The following DOCK4 variants were observed in gnomAD, a reference collection of about 807,000 sequenced individuals.
DOCK4 encodes dedicator of cytokinesis 4.
DOCK4 carries 97 observed loss-of-function variants against 268.1 expected under a neutral mutation model. The ratio of observed to expected loss-of-function variants is 0.36; its 90% CI spans 0.31 to 0.43. The LOEUF is 0.43. Among genes scored for constraint, DOCK4 ranks in the 20% least tolerant of loss-of-function variants. The pLI is 1.00. For missense variants in DOCK4, 2,145 were observed against 2,455.7 expected (o/e 0.87, Z 2.67); for synonymous variants, 954 against 887.2 (o/e 1.08, Z -1.34).
At chr7:112,060,970 C>A (rs1050757711) in intron 1 of DOCK4, among the ~76,000 whole-genome samples, 1 of 152,094 alleles carries the variant, frequency 6.6e-6, no homozygotes, top group Admixed American at 6.5e-5. Context: ...GTAAATTTTA[C>A]GTGTATTTTA....
chr7:111,779,979 T>G (rs1259524837), intron 35 of DOCK4, among the ~76,000 whole-genome samples: 1 of 152,158 alleles, frequency 6.6e-6, no homozygotes, highest in Non-Finnish European at 1.5e-5. Context: ...GAAGGGGAAA[T>G]CGGTGATGAG....
At chr7:111,758,178 C>G (rs1181202774) in intron 41 of DOCK4, among the ~76,000 whole-genome samples, 1 of 152,234 alleles carries the variant, frequency 6.6e-6, no homozygotes, top group African/African-American at 2.4e-5. Context: ...GTCTACCCAA[C>G]TGTTCTCTGT....
Position 111,746,377 on chromosome 7 carries a change from T to G in DOCK4, c.4634A>C (p.Asp1545Ala). 2 of 1,613,002 alleles carry G rather than the reference T, an allele frequency of 1.2e-6. No homozygotes were observed. The highest frequency in any genetic ancestry group is 1.7e-6 in the Non-Finnish European group (2 of 1,179,466). Residue 1545 changes from aspartate to alanine, a missense_variant, in exon 44 of 53, where the codon GAT (aspartate) becomes GCT (alanine). By Grantham distance (126) the Asp-to-Ala change is moderately radical. Coordinates refer to ENST00000428084, the MANE Select transcript of DOCK4 (RefSeq NM_001363540.2). ...VKEYILSHPE[D>A]GEKIARLREL... ...TCTTAATCGTGCAATTTTCTCCCCA[T>G]CTTCAGGGTGACTTAAGATATATTC...
intron 8 of DOCK4, among the ~76,000 whole-genome samples, chr7:111,956,144 T>C (rs77392200): frequency 3.9e-5 from 6 of 152,208 alleles, no homozygotes; most frequent in Admixed American, 1.3e-4. Context: ...CACTGTATCT[T>C]TGACATTTCG....
chr7:111,862,213 C>T (rs1046849718), intron 23 of DOCK4, among the ~76,000 whole-genome samples: 11 of 151,928 alleles, frequency 7.2e-5, no homozygotes, highest in East Asian at 2.0e-4. Flanking sequence ...GCAGGACAAT[C>T]GCTTGAACCT....
At chr7:112,121,125 C>T (rs28687319) in intron 1 of DOCK4, among the ~76,000 whole-genome samples, 1 of 152,134 alleles carries the variant, frequency 6.6e-6, no homozygotes, top group Admixed American at 6.5e-5. Flanking sequence ...TATGTTATAT[C>T]CTCATGATAA....
At chr7:112,102,951 A>G (rs561714114) in intron 1 of DOCK4, among the ~76,000 whole-genome samples, 20 of 152,362 alleles carry the variant, frequency 1.3e-4, no homozygotes, top group African/African-American at 4.1e-4. Context: ...TGTTTATACC[A>G]ATAAACTTTT....
chr7:112,184,745 C>T (rs1428884138), intron 1 of DOCK4, among the ~76,000 whole-genome samples: 2 of 151,858 alleles, frequency 1.3e-5, no homozygotes. Context: ...AGCCTTTCTG[C>T]TCTTTCATTT....
At chr7:111,862,949 A>G (rs1349865086) in intron 23 of DOCK4, 16 of 194,400 alleles carry the variant, frequency 8.2e-5, no homozygotes, top group Non-Finnish European at 2.1e-5. Flanking sequence ...GGAACTTACT[A>G]ACAGTTATTA....
At chr7:112,022,061 T>C (rs1296170051) in intron 1 of DOCK4, among the ~76,000 whole-genome samples, 1 of 152,232 alleles carries the variant, frequency 6.6e-6, no homozygotes, top group Non-Finnish European at 1.5e-5. Flanking sequence ...CTATATTCTA[T>C]GTCATGACAG....
intron 5 of DOCK4, 67 bp downstream of exon 5, chr7:111,994,068 T>C: frequency 9.7e-7 from 1 of 1,032,646 alleles, no homozygotes; most frequent in Non-Finnish European, 1.5e-6. Context: ...TAATGCTTAC[T>C]CATGTTCATG....
chr7:111,772,311 C>T (rs925981531), intron 36 of DOCK4, among the ~76,000 whole-genome samples: 4 of 151,956 alleles, frequency 2.6e-5, no homozygotes, highest in African/African-American at 9.7e-5. Context: ...ACTTGGGAGG[C>T]TGAGTCAGGA....
chr7:111,837,651 A>G (rs186663100), intron 25 of DOCK4, among the ~76,000 whole-genome samples: 1 of 152,364 alleles, frequency 6.6e-6, no homozygotes. Flanking sequence ...TCATTAAAAT[A>G]TGAAATAATT....
chr7:111,855,797 G>C (rs191288490), intron 23 of DOCK4, among the ~76,000 whole-genome samples: 1 of 152,290 alleles, frequency 6.6e-6, no homozygotes, highest in East Asian at 1.9e-4. Flanking sequence ...AACAGACAGA[G>C]AGCAGGGACT....
chr7:112,020,685 TAA>T (rs58803593), intron 1 of DOCK4, among the ~76,000 whole-genome samples: 65,757 of 116,780 alleles, frequency 0.56, 17,133 homozygotes, highest in Middle Eastern at 0.68. Flanking sequence ...ACCCTAAAAG[TAA>T]AAAAAAAAAA....
chr7:112,084,168 A>C (rs1208295634), intron 1 of DOCK4, among the ~76,000 whole-genome samples: 3 of 151,586 alleles, frequency 2.0e-5, no homozygotes, highest in Admixed American at 2.0e-4. Context: ...GGCCCAGAAC[A>C]TGCCCAGCCA....
chr7:111,932,157 C>T (rs576298355), intron 12 of DOCK4, among the ~76,000 whole-genome samples: 2 of 152,178 alleles, frequency 1.3e-5, no homozygotes, highest in South Asian at 4.2e-4. Context: ...ATTCAAACAA[C>T]CTAATAACAG....
At chr7:112,099,588 C>A (rs1168833214) in intron 1 of DOCK4, among the ~76,000 whole-genome samples, 1 of 152,172 alleles carries the variant, frequency 6.6e-6, no homozygotes, top group Admixed American at 6.5e-5. Flanking sequence ...AGCACATGGT[C>A]AGTATTCATT....
rs925904915 is a variant in DOCK4 at position 111,834,921 on chromosome 7, A to AT, written c.2737-236dup. 1.5e-3 allele frequency among the ~76,000 whole-genome samples: 221 copies of AT among 147,694 alleles called. 2 individuals carry two copies. Among genetic ancestry groups the AT allele is most frequent in the South Asian group, 9.7e-3 (45 of 4,632 alleles). On this transcript the variant is annotated intron_variant, in intron 25 of 52. Coordinates refer to ENST00000428084, the MANE Select transcript of DOCK4 (RefSeq NM_001363540.2). ...TCACAAATTTATAATTTTAGGGAGG[A>AT]TTTTTTTTTTTAACTTGAGTGGAAG...
Sources: allele counts gnomAD v4.1 joint callset (sites outside exome capture counted in the v4.1 genomes callset), GRCh38; gene constraint gnomAD v4.1.1; transcripts MANE v1.5; gene names NCBI Gene and HGNC (gene_info 2026-07-23, HGNC 2026-07-21).